The following PDXDC1 variants were observed in gnomAD, a reference collection of about 807,000 sequenced individuals.
The protein encoded by PDXDC1 is pyridoxal dependent decarboxylase domain containing 1.
In PDXDC1, 42 loss-of-function variants were observed where a neutral mutation model predicts 100.1. That is an observed-to-expected ratio of 0.42 (90% confidence interval 0.33 to 0.54). PDXDC1 has a LOEUF of 0.54. Among genes scored for constraint, PDXDC1 ranks in the 20% least tolerant of loss-of-function variants. PDXDC1 has a pLI of 0.10. For missense variants in PDXDC1, 636 were observed against 979.2 expected (o/e 0.65, Z 4.68); for synonymous variants, 260 against 371.7 (o/e 0.70, Z 3.46).
intron 8 of PDXDC1, among the ~76,000 whole-genome samples, chr16:15,014,225 CAAAATA>C (rs2041605508): frequency 3.5e-3 from 515 of 148,212 alleles, no homozygotes; most frequent in African/African-American, 0.012. Flanking sequence ...AAAAAAAAGA[CAAAATA>C]GAAAAACCAC....
At chr16:15,031,316 C>T (rs2043052440) in intron 16 of PDXDC1, among the ~76,000 whole-genome samples, 1 of 152,068 alleles carries the variant, frequency 6.6e-6, no homozygotes. Flanking sequence ...CCGGCGCTGT[C>T]ACCATCTCCC....
chr16:14,977,621 T>G (rs1328234974), intron 1 of PDXDC1, among the ~76,000 whole-genome samples: 1 of 152,286 alleles, frequency 6.6e-6, no homozygotes, highest in Non-Finnish European at 1.5e-5. Context: ...GGGCCTTAGA[T>G]GGAATAAACG....
At chr16:15,143,980 GA>G (rs1301863000), downstream of PDXDC1, among the ~76,000 whole-genome samples, 1 of 152,196 alleles carries the variant, frequency 6.6e-6, no homozygotes, top group African/African-American at 2.4e-5. Context: ...GGGCTGGGGG[GA>G]CCGGCTCGGA....
intron 16 of PDXDC1, chr16:15,125,240 G>T: frequency 1.8e-6 from 1 of 554,922 alleles, no homozygotes; most frequent in South Asian, 2.0e-5. Context: ...TGGGGGTTGT[G>T]CCGCAGATTG....
rs776859221 is a variant in PDXDC1 at position 15,024,415 on chromosome 16, AT to A, written c.1140+1670del. ...CCCCCCGTCCCCAATTCTTCTGTTT[AT>A]TTTTTTTTGAGACAGAGTCTCACTA... On this transcript the variant is annotated intron_variant, in intron 13 of 22. Transcript: ENST00000396410. 1.2e-4 allele frequency among the ~76,000 whole-genome samples: 14 copies of A among 118,948 alleles called. No homozygotes were observed. The Admixed American group carries it at 1.3e-3, about 11-fold the overall frequency. The allele number at this position is 118,948 out of a possible 152,430, so 78.0% of individuals were successfully genotyped here.
At chr16:15,101,531 T>C (rs1430018341) in intron 16 of PDXDC1, among the ~76,000 whole-genome samples, 1 of 151,232 alleles carries the variant, frequency 6.6e-6, no homozygotes, top group African/African-American at 2.4e-5. Context: ...AGAGACGGGG[T>C]TTCACCATGG....
At chr16:15,093,646 G>A (rs2046231223) in intron 16 of PDXDC1, among the ~76,000 whole-genome samples, 1 of 152,234 alleles carries the variant, frequency 6.6e-6, no homozygotes, top group African/African-American at 2.4e-5. Flanking sequence ...GCATCCTAAT[G>A]ACTCTGAAAG....
chr16:15,041,195 G>T, downstream of PDXDC1: 1 of 990,602 alleles, frequency 1.0e-6, no homozygotes. Context: ...GTATAATAAA[G>T]GCGAAGGAGG....
chr16:15,090,778 C>A (rs1289899292), intron 16 of PDXDC1, among the ~76,000 whole-genome samples: 1 of 151,936 alleles, frequency 6.6e-6, no homozygotes, highest in Admixed American at 6.6e-5. Context: ...CTCTTCAAAA[C>A]TGGGCAGTAA....
intron 16 of PDXDC1, chr16:15,060,949 A>G (rs1366927028): frequency 6.6e-6 from 1 of 152,244 alleles, no homozygotes; most frequent in Non-Finnish European, 1.5e-5. Flanking sequence ...GTCAAATCCA[A>G]TCTCATGTGT....
chr16:15,132,392 T>A (rs1452570522), intron 16 of PDXDC1, among the ~76,000 whole-genome samples: 2 of 21,932 alleles, frequency 9.1e-5, no homozygotes, highest in Non-Finnish European at 1.7e-4. Flanking sequence ...GGGGAGGGGT[T>A]AGGGGAGGGA....
chr16:15,015,477 AAGGCCG>A (rs2041719183), intron 8 of PDXDC1, among the ~76,000 whole-genome samples: 1 of 152,108 alleles, frequency 6.6e-6, no homozygotes, highest in Admixed American at 6.5e-5. Context: ...AGCACTTTGG[AAGGCCG>A]AGGCAGGTGG....
At chr16:14,985,099 G>A (rs146881940) in intron 1 of PDXDC1, among the ~76,000 whole-genome samples, 1,137 of 151,734 alleles carry the variant, frequency 7.5e-3, no homozygotes, top group African/African-American at 0.026. Flanking sequence ...GGCTGGTCTC[G>A]AACTCCTGAC....
At chr16:15,079,891 C>T (rs1265777701) in intron 16 of PDXDC1, 1 of 1,293,484 alleles carries the variant, frequency 7.7e-7, no homozygotes, top group Non-Finnish European at 1.1e-6. Flanking sequence ...GTCACCACGC[C>T]TGGCCAAGTG....
At chr16:15,044,245 G>T (rs2043951681) in intron 16 of PDXDC1, 6 of 875,214 alleles carry the variant, frequency 6.9e-6, no homozygotes, top group South Asian at 4.3e-5. Flanking sequence ...CCCTTCTTGG[G>T]TTTTGTACCA....
At chr16:14,998,265 C>T (rs139576977) in intron 2 of PDXDC1, 75 bp from the exon 3 acceptor site, 89,539 of 1,426,536 alleles carry the variant, frequency 0.063, 90 homozygotes, top group South Asian at 0.068. Flanking sequence ...GCAACATGGT[C>T]ATGTTTGCAT....
At chr16:15,079,733 C>T (rs1409545525) in intron 16 of PDXDC1, among the ~76,000 whole-genome samples, 1 of 152,144 alleles carries the variant, frequency 6.6e-6, no homozygotes, top group Non-Finnish European at 1.5e-5. Flanking sequence ...GCTGGGATTA[C>T]AGGCACCCAC....
the PDXDC1 span, among the ~76,000 whole-genome samples, chr16:15,149,161 T>A: frequency 6.6e-6 from 1 of 152,162 alleles, no homozygotes; most frequent in Non-Finnish European, 1.5e-5. Context: ...GCCCTACCCC[T>A]GCCCCCGAGT....
intron 16 of PDXDC1, among the ~76,000 whole-genome samples, chr16:15,057,166 GCTTA>G (rs1268632380): frequency 1.3e-5 from 2 of 152,182 alleles, no homozygotes; most frequent in Admixed American, 1.3e-4. Flanking sequence ...CTCCCCCTCA[GCTTA>G]CACACCCCGT....
Sources: gnomAD v4.1 joint callset for allele counts (sites outside exome capture counted in the v4.1 genomes callset) on GRCh38, gnomAD v4.1.1 for gene constraint, MANE v1.5 for transcripts, NCBI Gene and HGNC (gene_info 2026-07-23, HGNC 2026-07-21) for gene names.